Variants in RXYLT1 observed in about 807,000 individuals in gnomAD.
RXYLT1 encodes ribitol-5-phosphate xylosyltransferase 1.
Under a neutral mutation model 43.5 loss-of-function variants are expected in RXYLT1, and 41 were observed. The observed-to-expected ratio is 0.94, with a 90% CI of 0.73 to 1.22. The LOEUF (loss-of-function observed/expected upper bound fraction) is 1.22, where lower values mean the gene tolerates loss of function less well. RXYLT1 is among the 50% of genes most tolerant of loss of function. RXYLT1 has a pLI of 0.00. For synonymous variants in RXYLT1, 166 were observed against 194.4 expected (o/e 0.85, Z 1.21); for missense variants, 514 against 532.0 (o/e 0.97, Z 0.33).
Position 63,781,187 on chromosome 12 carries a change from G to A in RXYLT1, c.325+13G>A, listed in dbSNP as rs373210870. The A allele has an allele frequency of 1.5e-5, 22 of 1,482,868 alleles. No individual in the cohort carries two copies. In the East Asian group the frequency reaches 1.5e-4, roughly 10 times the overall value. The allele number at this position is 1,482,868 out of a possible 1,614,324, so 91.9% of individuals were successfully genotyped here. A position where few individuals can be genotyped will look rare whatever the true frequency, so the allele number is the denominator to read the frequency against. ...AAAGCTGCCATTGGTAAGTTAATAC[G>A]TAGAAGGAAGACATGTAAAAAGCAT... On this transcript the variant is annotated intron_variant, in intron 2 of 5. Coordinates refer to ENST00000261234, the MANE Select transcript of RXYLT1 (RefSeq NM_014254.3).
In RXYLT1 at chr12:63,802,409, A is replaced by G. The variant is rs1262368132; in HGVS notation, c.743+4A>G. 3.2e-6 allele frequency: 5 copies of G among 1,550,016 alleles called. No individual in the cohort carries two copies. The highest frequency in any genetic ancestry group is 2.8e-5 in the African/African-American group (2 of 71,648). On this transcript the variant is annotated splice_donor_region_variant and intron_variant, in intron 4 of 5. Transcript: ENST00000261234. ...AGTGGCCTTTAGGAGTAGCAACGTA[A>G]GTACAAAATATGATTAAACATTTTT...
At chr12:63,806,548 T>C (rs1018159450) in intron 5 of RXYLT1, 1 of 152,276 alleles carries the variant, frequency 6.6e-6, no homozygotes, top group Non-Finnish European at 1.5e-5. Context: ...ATGTGCTTAC[T>C]ATGTTACAGG....
At position 63,809,083 on chromosome 12, in the gene RXYLT1, T is replaced by A. The variant is rs1431795888; in HGVS notation, c.1323T>A (p.Asn441Lys). Residue 441 changes from asparagine to lysine, a missense_variant, in exon 6 of 6, where the codon AAT (asparagine) becomes AAA (lysine). Transcript: ENST00000261234. The part of the protein sequence containing the change: ...NILESSFLMN[N>K]KS ...TAGAAAGCTCATTTTTAATGAATAA[T>A]AAAAGTTAATTATCTTTTTGAGCTA... 1 of 1,511,936 alleles carries A rather than the reference T, an allele frequency of 6.6e-7. No homozygotes were observed. Among genetic ancestry groups the A allele is most frequent in the Non-Finnish European group, 8.9e-7 (1 of 1,118,614 alleles). 93.7% of individuals were successfully genotyped at this position (1,511,936 alleles called of 1,614,324 possible).
At chr12:63,793,485 C>T (rs1897962661) in intron 3 of RXYLT1, among the ~76,000 whole-genome samples, 1 of 151,986 alleles carries the variant, frequency 6.6e-6, no homozygotes, top group African/African-American at 2.4e-5. Flanking sequence ...GAGTGAAGTG[C>T]TGCAATAAAA....
intron 3 of RXYLT1, among the ~76,000 whole-genome samples, chr12:63,791,556 C>T (rs1384575026): frequency 6.6e-6 from 1 of 152,128 alleles, no homozygotes; most frequent in East Asian, 1.9e-4. Context: ...TTATAGATAA[C>T]GTTAATGGTT....
chr12:63,787,910 G>A (rs755457049), intron 3 of RXYLT1, among the ~76,000 whole-genome samples: 3 of 152,168 alleles, frequency 2.0e-5, no homozygotes, highest in East Asian at 1.9e-4. Flanking sequence ...GATTACGGGC[G>A]TGAGCCATCG....
At chr12:63,794,724 A>G (rs2136227267) in intron 3 of RXYLT1, among the ~76,000 whole-genome samples, 1 of 152,230 alleles carries the variant, frequency 6.6e-6, no homozygotes, top group African/African-American at 2.4e-5. Flanking sequence ...AGGCCAAGGC[A>G]GCAGGATCAC....
intron 4 of RXYLT1, among the ~76,000 whole-genome samples, chr12:63,802,966 C>G (rs1474688283): frequency 1.3e-5 from 2 of 149,660 alleles, no homozygotes; most frequent in African/African-American, 4.9e-5. Flanking sequence ...TCCAGGAGTT[C>G]AAGAGCATCC....
intron 2 of RXYLT1, 23 bp downstream of exon 2, chr12:63,781,197 G>A: frequency 1.4e-6 from 2 of 1,445,070 alleles, no homozygotes; most frequent in East Asian, 2.6e-5. Flanking sequence ...GTAGAAGGAA[G>A]ACATGTAAAA....
intron 2 of RXYLT1, among the ~76,000 whole-genome samples, chr12:63,781,898 G>C (rs1361973114): frequency 6.6e-6 from 1 of 152,170 alleles, no homozygotes; most frequent in Non-Finnish European, 1.5e-5. Context: ...ACAGAGCATA[G>C]TGCTCTGCTC....
intron 2 of RXYLT1, among the ~76,000 whole-genome samples, chr12:63,783,155 C>G (rs1486989080): frequency 6.6e-6 from 1 of 152,198 alleles, no homozygotes; most frequent in East Asian, 1.9e-4. Flanking sequence ...TGAGCCCTCA[C>G]CAGCAATTTC....
At chr12:63,792,544 C>T (rs970437797) in intron 3 of RXYLT1, among the ~76,000 whole-genome samples, 5 of 152,192 alleles carry the variant, frequency 3.3e-5, no homozygotes, top group South Asian at 2.1e-4. Context: ...CACTGAGGCC[C>T]GCAGTCTTGT....
intron 4 of RXYLT1, chr12:63,804,219 G>A (rs1263925380): frequency 6.6e-6 from 1 of 152,138 alleles, no homozygotes; most frequent in Non-Finnish European, 1.5e-5. Context: ...AGCAGATAGA[G>A]CCCAGGGATA....
intron 4 of RXYLT1, among the ~76,000 whole-genome samples, chr12:63,803,105 T>G (rs967244486): frequency 1.5e-5 from 2 of 129,264 alleles, no homozygotes; most frequent in Non-Finnish European, 3.1e-5. Flanking sequence ...GAGGATCACT[T>G]AAGCCCAGGA....
intron 3 of RXYLT1, among the ~76,000 whole-genome samples, chr12:63,789,169 A>G (rs1897868739): frequency 6.6e-6 from 1 of 152,146 alleles, no homozygotes; most frequent in South Asian, 2.1e-4. Context: ...CATTCATTAT[A>G]GGGTTATTAA....
At chr12:63,785,609 A>T (rs1402954205) in intron 3 of RXYLT1, among the ~76,000 whole-genome samples, 1 of 152,086 alleles carries the variant, frequency 6.6e-6, no homozygotes, top group African/African-American at 2.4e-5. Flanking sequence ...GCCTTTTTAT[A>T]TAACTCTTTT....
At chr12:63,786,718 G>A (rs927995405) in intron 3 of RXYLT1, among the ~76,000 whole-genome samples, 3 of 152,268 alleles carry the variant, frequency 2.0e-5, no homozygotes. Context: ...AGACAACAAT[G>A]AAGTTTGCCA....
At chr12:63,783,958 G>T (rs1897744784) in intron 2 of RXYLT1, among the ~76,000 whole-genome samples, 1 of 151,904 alleles carries the variant, frequency 6.6e-6, no homozygotes, top group Admixed American at 6.6e-5. Context: ...TCTGACCTCT[G>T]CTTCTATCTT....
At chr12:63,804,452 G>C (rs541191982) in intron 4 of RXYLT1, 43 of 152,204 alleles carry the variant, frequency 2.8e-4, no homozygotes, top group African/African-American at 1.0e-3. Context: ...GGTTTTATCT[G>C]TCAGTTTGTT....
Sources: gnomAD v4.1 joint callset for allele counts (sites outside exome capture counted in the v4.1 genomes callset) on GRCh38, gnomAD v4.1.1 for gene constraint, MANE v1.5 for transcripts, NCBI Gene and HGNC (gene_info 2026-07-23, HGNC 2026-07-21) for gene names.